Variants in TECPR1 observed in about 807,000 individuals in gnomAD.
The protein encoded by TECPR1 is tectonin beta-propeller repeat containing 1.
Under a neutral mutation model 162.4 loss-of-function variants are expected in TECPR1, and 122 were observed. The ratio of observed to expected loss-of-function variants is 0.75; its 90% CI spans 0.65 to 0.87. TECPR1 has a LOEUF of 0.87. Ranked by LOEUF, TECPR1 falls within the 40% of genes least tolerant of loss-of-function variation. TECPR1 has a pLI of 0.00. For missense variants in TECPR1, 1,432 were observed against 1,618.2 expected (o/e 0.88, Z 1.97); for synonymous variants, 642 against 670.6 (o/e 0.96, Z 0.66).
intron 2 of TECPR1, among the ~76,000 whole-genome samples, chr7:98,250,644 G>T (rs1327968368): frequency 6.6e-6 from 1 of 151,596 alleles, no homozygotes; most frequent in Non-Finnish European, 1.5e-5. Context: ...TCTCAAAAAG[G>T]AAAACAAACA....
chr7:98,222,446 C>G lies in TECPR1; in HGVS notation c.3004G>C (p.Ala1002Pro). 1.3e-6 allele frequency: 2 copies of G among 1,595,560 alleles called. No homozygotes were observed. The highest frequency in any genetic ancestry group is 1.7e-6 in the Non-Finnish European group (2 of 1,172,066). The change falls in exon 22 of 26, where the codon GCC (alanine) becomes CCC (proline). Residue 1002 changes from alanine to proline, a missense_variant. Coordinates refer to ENST00000447648, the MANE Select transcript of TECPR1 (RefSeq NM_015395.3). ...ISIGACYQVW[A>P]VARDGSAFYR... ...AAGGCGGAGCCGTCCCTTGCCACGG[C>G]CCACACCTGGTAGCAGGCCCCGATG...
In TECPR1 at chr7:98,224,818, A is replaced by G; in HGVS notation, c.2673T>C (p.Tyr891=). 6.3e-7 allele frequency: 1 copy of G among 1,582,122 alleles called. No individual in the cohort carries two copies. Among genetic ancestry groups the G allele is most frequent in the Non-Finnish European group, 8.6e-7 (1 of 1,164,930 alleles). The stretch of plus-strand genomic sequence containing the variant: ...AGGCTTACGCAGGGAAGTCGCTGGC[A>G]TACTGCCACCCCTCCTGGTCCGTGC... ...PGGTDQEGWQ[Y]ASDFPASYHG... Residue 891 remains tyrosine, a synonymous_variant, in exon 19 of 26, where the codon TAT becomes TAC. Coordinates refer to ENST00000447648, the MANE Select transcript of TECPR1 (RefSeq NM_015395.3).
rs773544276 is a variant in TECPR1, at chr7:98,231,952, C to T, written c.1826G>A (p.Trp609Ter). 11 of 1,604,006 alleles carry T rather than the reference C, an allele frequency of 6.9e-6. No individual in the cohort carries two copies. Among genetic ancestry groups the T allele is most frequent in the Non-Finnish European group, 5.9e-6 (7 of 1,179,332 alleles). The change falls in exon 13 of 26, where the codon TGG becomes TAG. Residue 609 changes from tryptophan (W) to a stop codon, truncating the protein, a stop_gained. Transcript: ENST00000447648. LOFTEE classifies it high-confidence loss of function. Reference protein sequence around the residue: ...HYEQAVEQSVWVKTGALQWWC... With the variant: ...HYEQAVEQSV Reference sequence around the variant, plus strand: ...CCACTGCAGCGCCCCGGTCTTCACCCACACCGACTGCGCAGGCCGGGGCAG... The same window carrying T: ...CCACTGCAGCGCCCCGGTCTTCACCTACACCGACTGCGCAGGCCGGGGCAG...
intron 19 of TECPR1, 22 bp downstream of exon 19, chr7:98,224,779 C>T (rs1335790707): frequency 6.4e-7 from 1 of 1,567,626 alleles, no homozygotes; most frequent in African/African-American, 1.4e-5. Flanking sequence ...AGCCCGAAGG[C>T]CCTGTGCAGG....
chr7:98,235,851 A>AAAAAAAAAAAAAAAAAAACAACAC (rs1554401451), intron 10 of TECPR1, among the ~76,000 whole-genome samples: 8 of 147,348 alleles, frequency 5.4e-5, no homozygotes, highest in South Asian at 2.2e-4. Context: ...AAAAAAAAAA[A>AAAAAAAAAAAAAAAAAAACAACAC]CACCATCTGA....
chr7:98,234,671 A>G lies in TECPR1; in HGVS notation c.1182-760T>C, dbSNP rs562766197. ...CCTACCAGCAGTGTATGAAGTTCCA[A>G]TTTCTCCATGTTCTCACTAGCATTT... On this transcript the variant is annotated intron_variant, in intron 10 of 25. Coordinates refer to ENST00000447648, the MANE Select transcript of TECPR1 (RefSeq NM_015395.3). 2.8e-5 allele frequency among the ~76,000 whole-genome samples: 4 copies of G among 145,016 alleles called. No individual in the cohort carries two copies. In the East Asian group the frequency reaches 6.1e-4, roughly 22 times the overall value.
chr7:98,240,081 C>G (rs1253442160), intron 8 of TECPR1, among the ~76,000 whole-genome samples: 1 of 151,956 alleles, frequency 6.6e-6, no homozygotes, highest in African/African-American at 2.4e-5. Context: ...TGCACTCCAG[C>G]CTGGGTGACA....
chr7:98,244,406 C>T (rs1256381974), intron 5 of TECPR1, among the ~76,000 whole-genome samples, 165 bp downstream of exon 5: 1 of 152,194 alleles, frequency 6.6e-6, no homozygotes, highest in Non-Finnish European at 1.5e-5. Context: ...TGAAGGGACA[C>T]GCAGTGTCGT....
Position 98,222,899 on chromosome 7 carries a change from T to C in TECPR1, c.2928+91A>G, listed in dbSNP as rs925156627. 3 of 1,522,000 alleles carry C rather than the reference T, an allele frequency of 2.0e-6. No homozygotes were observed. The African/African-American group carries it at 4.1e-5, about 21-fold the overall frequency. 94.3% of individuals were successfully genotyped at this position (1,522,000 alleles called of 1,614,324 possible). On this transcript the variant is annotated intron_variant, in intron 21 of 25. Transcript: ENST00000447648. ...GACCACAGGCAGTGTCCACTGGTCCTAGGGGCTTGTCCTGAGCAGGGTCTG... is the reference window on the plus strand; with the variant it reads ...GACCACAGGCAGTGTCCACTGGTCCCAGGGGCTTGTCCTGAGCAGGGTCTG...
intron 5 of TECPR1, 62 bp from the exon 6 acceptor site, chr7:98,243,654 C>A (rs1584355920): frequency 6.4e-7 from 1 of 1,552,732 alleles, no homozygotes; most frequent in East Asian, 2.3e-5. Flanking sequence ...GGCATGCACC[C>A]ACCTCCCGCC....
Position 98,225,034 on chromosome 7 carries a change from G to T in TECPR1, c.2582C>A (p.Thr861Lys). 1 of 1,557,478 alleles carries T rather than the reference G, an allele frequency of 6.4e-7. No homozygotes were observed. Among genetic ancestry groups the T allele is most frequent in the Admixed American group, 2.0e-5 (1 of 50,604 alleles). ...SGLQECTKAG[T>K]KPPSLQWAWV... is the part of the protein sequence containing the mutation. ...GGCCCACTGCAGGGACGGGGGCTTCGTGCCAGCCTTCGTGCACTCCTGCAG... is the reference window on the plus strand; with the variant it reads ...GGCCCACTGCAGGGACGGGGGCTTCTTGCCAGCCTTCGTGCACTCCTGCAG... Residue 861 changes from threonine to lysine, a missense_variant, in exon 18 of 26, where the codon ACG (threonine) becomes AAG (lysine). Coordinates refer to ENST00000447648, the MANE Select transcript of TECPR1 (RefSeq NM_015395.3).
chr7:98,218,610 A>G (rs1376847774), intron 23 of TECPR1, among the ~76,000 whole-genome samples: 2 of 152,208 alleles, frequency 1.3e-5, no homozygotes, highest in Non-Finnish European at 2.9e-5. Context: ...AACCCCTTTT[A>G]CAACAGCTGC....
At chr7:98,226,605 C>T in intron 17 of TECPR1, 1 of 1,039,544 alleles carries the variant, frequency 9.6e-7, no homozygotes, top group Non-Finnish European at 1.2e-6. Context: ...GTTTCTATTA[C>T]TAAGTGTTTA....
chr7:98,226,706 G>A, intron 17 of TECPR1: 1 of 1,202,384 alleles, frequency 8.3e-7, no homozygotes, highest in Non-Finnish European at 1.1e-6. Context: ...GGGAGGCTGA[G>A]GCGGGCTTCG....
rs1798280370 is a variant in TECPR1, at chr7:98,226,410, G to A, written c.2514-1308C>T. 3.1e-6 allele frequency: 3 copies of A among 982,794 alleles called. No homozygotes were observed. In the South Asian group the frequency reaches 1.4e-4, roughly 46 times the overall value. The allele number at this position is 982,794 out of a possible 1,614,324, so 60.9% of individuals were successfully genotyped here. On this transcript the variant is annotated intron_variant, in intron 17 of 25. Coordinates refer to ENST00000447648, the MANE Select transcript of TECPR1 (RefSeq NM_015395.3). Reference sequence around the variant, plus strand: ...ACATATGGTTGAGACGTCCAAGGCTGAGTAAAGTCAGATACACTGGGTCCA... The same window carrying A: ...ACATATGGTTGAGACGTCCAAGGCTAAGTAAAGTCAGATACACTGGGTCCA...
At position 98,224,870 on chromosome 7, in the gene TECPR1, C is replaced by G; in HGVS notation, c.2621G>C (p.Trp874Ser). 1 of 1,563,498 alleles carries G rather than the reference C, an allele frequency of 6.4e-7. No homozygotes were observed. The highest frequency in any genetic ancestry group is 8.7e-7 in the Non-Finnish European group (1 of 1,154,338). ...PSLQWAWVSD[W>S]FVDFSVPGGT... ...CCCCGGAACGCTGAAATCCACGAACCAGTCGGAAACCTGGGAGGAGTGGGT... is the reference window on the plus strand; with the variant it reads ...CCCCGGAACGCTGAAATCCACGAACGAGTCGGAAACCTGGGAGGAGTGGGT... Residue 874 changes from tryptophan to serine, a missense_variant, in exon 19 of 26, where the codon TGG becomes TCG. By Grantham distance (177) the Trp-to-Ser change is radical (BLOSUM62 -3). Transcript: ENST00000447648.
chr7:98,236,427 C>T (rs986396991), intron 10 of TECPR1, among the ~76,000 whole-genome samples: 5 of 152,006 alleles, frequency 3.3e-5, no homozygotes, highest in Non-Finnish European at 7.4e-5. Flanking sequence ...TGTTTCTGCC[C>T]CAGATCTTCA....
Position 98,236,830 on chromosome 7 carries a change from A to G in TECPR1, c.1127T>C (p.Ile376Thr). The change falls in exon 10 of 26, where the codon ATC (isoleucine) becomes ACC (threonine). Residue 376 changes from isoleucine (I) to threonine (T), a missense_variant. Ile to Thr is a moderately conservative substitution (Grantham distance 89). Transcript: ENST00000447648. ...TGACCGGTCACACTCTCGGGCCGCG[A>G]TGATGGCTTTCCAGGTCTTCCCACT... ...ELSGKTWKAIIAARECDRSHS... is the reference protein window; with the variant it reads ...ELSGKTWKAITAARECDRSHS... The G allele has an allele frequency of 6.3e-7, 1 of 1,587,738 alleles. No individual in the cohort carries two copies. The highest frequency in any genetic ancestry group is 1.2e-5 in the South Asian group (1 of 86,830).
chr7:98,218,072 G>C (rs768791491), intron 23 of TECPR1, 30 bp from the exon 24 acceptor site: 7 of 1,527,132 alleles, frequency 4.6e-6, no homozygotes, highest in Non-Finnish European at 6.2e-6. Context: ...GGGTCAAAGG[G>C]GAAGACCTTC....
Sources: gnomAD v4.1 joint callset for allele counts (sites outside exome capture counted in the v4.1 genomes callset) on GRCh38, gnomAD v4.1.1 for gene constraint, MANE v1.5 for transcripts, NCBI Gene and HGNC (gene_info 2026-07-23, HGNC 2026-07-21) for gene names.